The following ADGRB1 variants were observed in gnomAD, a reference collection of about 807,000 sequenced individuals.
ADGRB1 encodes the protein adhesion G protein-coupled receptor B1.
A neutral mutation model predicts 175.7 loss-of-function variants in ADGRB1; 36 were observed. That is an observed-to-expected ratio of 0.20 (90% CI 0.16 to 0.27). ADGRB1 has a LOEUF of 0.27. Among genes scored for constraint, ADGRB1 ranks in the 10% least tolerant of loss-of-function variants. ADGRB1 has a pLI of 1.00. For synonymous variants in ADGRB1, 1,054 were observed against 979.4 expected, an observed-to-expected ratio of 1.08 and a Z score of -1.42; for missense variants, 1,731 against 2,255.3, an observed-to-expected ratio of 0.77 and a Z score of 4.71.
intron 17 of ADGRB1, among the ~76,000 whole-genome samples, chr8:142,505,486 G>T (rs955359009): frequency 6.6e-6 from 1 of 152,202 alleles, no homozygotes; most frequent in African/African-American, 2.4e-5. Context: ...TTGTGGCCCT[G>T]CACTGGGGCT....
rs117716830 is a variant in ADGRB1, at chr8:142,525,724, G to A, written c.3313-818G>A. Among the ~76,000 whole-genome samples the A allele has an allele frequency of 9.6e-4, 146 of 152,308 alleles. 1 individual carries two copies. Among genetic ancestry groups the A allele is most frequent in the Non-Finnish European group, 1.7e-3 (118 of 68,008 alleles). Reference sequence around the variant, plus strand: ...CTGGACGTGAAATGCCTGGTCAGGGGTCCATGGAGTCCTGGGGTCTCCCAG... The same window carrying A: ...CTGGACGTGAAATGCCTGGTCAGGGATCCATGGAGTCCTGGGGTCTCCCAG... On this transcript the variant is annotated intron_variant, in intron 23 of 30. Transcript: ENST00000517894.
At chr8:142,508,736 G>A (rs1278468391) in intron 17 of ADGRB1, among the ~76,000 whole-genome samples, 1 of 152,240 alleles carries the variant, frequency 6.6e-6, no homozygotes, top group Non-Finnish European at 1.5e-5. Flanking sequence ...GGCATCCTCT[G>A]AGCCTGACCG....
rs1030761422 is a variant in ADGRB1, at chr8:142,453,034, CCGCCCGCCCGCTCGCT to C, written c.-220+2934_-220+2949del. ...CGGCCGCCACCTCCCTCCCGCCCGCCCGCCCGCCCGCTCGCTCGCTCGCTCGCCGTCCGCTCCCGCC... is the reference window on the plus strand; with the variant it reads ...CGGCCGCCACCTCCCTCCCGCCCGCCCGCTCGCTCGCCGTCCGCTCCCGCC... On this transcript the variant is annotated intron_variant, in intron 1 of 30. Coordinates refer to ENST00000517894, the MANE Select transcript of ADGRB1 (RefSeq NM_001702.3). 2.2e-3 allele frequency among the ~76,000 whole-genome samples: 246 copies of C among 113,914 alleles called. 2 individuals are homozygous for C. Among genetic ancestry groups the C allele is most frequent in the African/African-American group, 0.011 (236 of 21,024 alleles). 74.7% of individuals were successfully genotyped at this position (113,914 alleles called of 152,430 possible). A position where few individuals can be genotyped will look rare whatever the true frequency, so the allele number is the denominator to read the frequency against.
At chr8:142,489,952 T>C (rs566901827) in intron 16 of ADGRB1, among the ~76,000 whole-genome samples, 1 of 152,252 alleles carries the variant, frequency 6.6e-6, no homozygotes, top group African/African-American at 2.4e-5. Flanking sequence ...CCAACCCTGC[T>C]CCTTGGAGCT....
chr8:142,469,620 C>T (rs572391431), intron 2 of ADGRB1, among the ~76,000 whole-genome samples: 247 of 99,196 alleles, frequency 2.5e-3, no homozygotes, highest in African/African-American at 0.011. Context: ...TGTGTGTATG[C>T]ACGTGCATGT....
At chr8:142,469,582 T>C (rs1465170370) in intron 2 of ADGRB1, among the ~76,000 whole-genome samples, 1 of 147,784 alleles carries the variant, frequency 6.8e-6, no homozygotes, top group African/African-American at 2.6e-5. Flanking sequence ...CATGTGTGCA[T>C]GTGTGAATGT....
rs986603398 is a variant in ADGRB1, at chr8:142,543,652, C to A, written c.4501C>A (p.Arg1501=). ...CCAAGACATGTTCCAGGACCTGAAC[C>A]GGAAGCTGCAGCACGCAGCGGAGAA... ...RHQDMFQDLN[R]KLQHAAEKDK... The change falls in exon 30 of 31, where the codon CGG becomes AGG. Residue 1501 remains arginine (R), a synonymous_variant. Coordinates refer to ENST00000517894, the MANE Select transcript of ADGRB1 (RefSeq NM_001702.3). The surrounding 1 kb of genome is among the most constrained non-coding windows in gnomAD (Gnocchi z 4.4). 3 of 1,464,746 alleles carry A rather than the reference C, an allele frequency of 2.0e-6. No homozygotes were observed. Among genetic ancestry groups the A allele is most frequent in the Non-Finnish European group, 2.7e-6 (3 of 1,091,658 alleles). The allele number at this position is 1,464,746 out of a possible 1,614,324, so 90.7% of individuals were successfully genotyped here. A position where few individuals can be genotyped will look rare whatever the true frequency, so the allele number is the denominator to read the frequency against.
At chr8:142,476,072 GC>G (rs1490393222) in intron 3 of ADGRB1, among the ~76,000 whole-genome samples, 8 of 152,360 alleles carry the variant, frequency 5.3e-5, no homozygotes, top group African/African-American at 1.9e-4. Flanking sequence ...CAGCCCGCCT[GC>G]CCCAGCCGGA....
intron 25 of ADGRB1, among the ~76,000 whole-genome samples, chr8:142,533,890 C>T (rs921902717): frequency 2.6e-5 from 4 of 152,248 alleles, no homozygotes; most frequent in South Asian, 2.1e-4. Flanking sequence ...TCCCAACTAC[C>T]GCCTGGCTGG....
rs780840680 is a variant in ADGRB1 at position 142,479,499 on chromosome 8, C to T, written c.1726+12C>T. On this transcript the variant is annotated intron_variant, in intron 8 of 30. Coordinates refer to ENST00000517894, the MANE Select transcript of ADGRB1 (RefSeq NM_001702.3). ...CCAGCGGTGTCCCGGTGAGGCCCCT[C>T]CTACCTGGGCTGGGCTCTGGGGAGG... 8 of 1,531,602 alleles carry T rather than the reference C, an allele frequency of 5.2e-6. No homozygotes were observed. Among genetic ancestry groups the T allele is most frequent in the Admixed American group, 4.7e-5 (2 of 42,634 alleles). The allele number at this position is 1,531,602 out of a possible 1,614,324, so 94.9% of individuals were successfully genotyped here.
chr8:142,461,253 C>T (rs894363272), intron 1 of ADGRB1, among the ~76,000 whole-genome samples: 2 of 152,226 alleles, frequency 1.3e-5, no homozygotes, highest in African/African-American at 4.8e-5. Context: ...GGCATGGCCC[C>T]TCTGTGGACC....
intron 23 of ADGRB1, among the ~76,000 whole-genome samples, chr8:142,524,558 C>T (rs1438672204): frequency 6.6e-6 from 1 of 152,196 alleles, no homozygotes; most frequent in Non-Finnish European, 1.5e-5. Flanking sequence ...TTATTGGGTG[C>T]CAGCTGTGTA....
chr8:142,536,921 C>T, intron 25 of ADGRB1, 66 bp from the exon 26 acceptor site: 3 of 1,393,536 alleles, frequency 2.2e-6, no homozygotes, highest in Admixed American at 2.2e-5. Context: ...TGCTGCTCAT[C>T]TGATCTGGCG....
At chr8:142,516,389 G>A (rs1843434789) in intron 18 of ADGRB1, among the ~76,000 whole-genome samples, 1 of 144,844 alleles carries the variant, frequency 6.9e-6, no homozygotes, top group South Asian at 2.2e-4. Context: ...GTGCGTCTGT[G>A]TGGGCCCCAG....
intron 17 of ADGRB1, among the ~76,000 whole-genome samples, chr8:142,498,836 C>A (rs1842348554): frequency 2.0e-5 from 3 of 152,218 alleles, no homozygotes; most frequent in African/African-American, 7.2e-5. Context: ...CCTGTGACAG[C>A]CCCCATGTGG....
intron 18 of ADGRB1, 50 bp from the exon 19 acceptor site, chr8:142,518,088 T>A (rs754391442): frequency 1.3e-6 from 2 of 1,573,652 alleles, no homozygotes; most frequent in East Asian, 2.2e-5. Flanking sequence ...GTCTGCCGAG[T>A]GGGCGAGTGG....
intron 24 of ADGRB1, among the ~76,000 whole-genome samples, chr8:142,532,148 AG>A (rs976803547): frequency 6.6e-6 from 1 of 151,686 alleles, no homozygotes; most frequent in East Asian, 2.0e-4. Flanking sequence ...GTGTAGGAGG[AG>A]GGGAGGAGGG....
chr8:142,450,465 G>T (rs965001982), intron 1 of ADGRB1, among the ~76,000 whole-genome samples: 6 of 152,182 alleles, frequency 3.9e-5, no homozygotes, highest in Non-Finnish European at 8.8e-5. Context: ...AGGCTGGGGA[G>T]GGCGTTCCCG....
rs1001088328 is a variant in ADGRB1, at chr8:142,515,545, G to A, written c.2818-2593G>A. 5.3e-5 allele frequency among the ~76,000 whole-genome samples: 8 copies of A among 152,322 alleles called. No individual in the cohort carries two copies. In the East Asian group the frequency reaches 5.8e-4, roughly 11 times the overall value. ...GGCCTGAGCCAGCCTCAGAGCAGGC[G>A]CGAGACGCTTACTCGGCCGCCTGTG... On this transcript the variant is annotated intron_variant, in intron 18 of 30. Coordinates refer to ENST00000517894, the MANE Select transcript of ADGRB1 (RefSeq NM_001702.3).
Sources: allele counts gnomAD v4.1 joint callset (sites outside exome capture counted in the v4.1 genomes callset), GRCh38; gene constraint gnomAD v4.1.1; non-coding constraint Gnocchi (gnomAD v3.1); transcripts MANE v1.5; gene names NCBI Gene and HGNC (gene_info 2026-07-23, HGNC 2026-07-21).